Variants in ANXA9 observed in about 807,000 individuals in gnomAD.
The protein encoded by ANXA9 is annexin A9, also known as annexin 31.
Under a neutral mutation model 51.8 loss-of-function variants are expected in ANXA9, and 47 were observed. The observed-to-expected ratio is 0.91, with a 90% CI of 0.72 to 1.16. The LOEUF (loss-of-function observed/expected upper bound fraction) is 1.16. ANXA9 is among the 50% of genes most tolerant of loss of function. The pLI, the probability that ANXA9 is intolerant of heterozygous loss-of-function variation, is 0.00. For synonymous variants in ANXA9, 154 were observed against 168.7 expected (o/e 0.91, Z 0.68); for missense variants, 361 against 424.7 (o/e 0.85, Z 1.32).
rs370841996 is a variant in ANXA9 at position 150,984,710 on chromosome 1, G to A, written c.472+34G>A. The A allele has an allele frequency of 2.3e-5, 36 of 1,584,162 alleles. No homozygotes were observed. The African/African-American group carries it at 4.7e-4, about 21-fold the overall frequency. ...ATAGAGGGAGGGGTCCCAGATGCTG[G>A]AGAAGGGGCTGTAGGACAGGCCACT... On this transcript the variant is annotated intron_variant, in intron 7 of 13. Transcript: ENST00000368947.
chr1:150,994,096 C>T (rs1459881618), intron 12 of ANXA9, among the ~76,000 whole-genome samples: 1 of 152,170 alleles, frequency 6.6e-6, no homozygotes, highest in Non-Finnish European at 1.5e-5. Flanking sequence ...GGAATCAGAA[C>T]TAGAAGTCAC....
intron 12 of ANXA9, among the ~76,000 whole-genome samples, chr1:150,990,041 G>T (rs978006978): frequency 3.3e-5 from 5 of 152,064 alleles, no homozygotes; most frequent in Non-Finnish European, 7.4e-5. Context: ...AAGCATGGTG[G>T]CTCACACCTG....
At chr1:150,983,487 A>G in intron 4 of ANXA9, 53 bp downstream of exon 4, 1 of 1,495,198 alleles carries the variant, frequency 6.7e-7, no homozygotes, top group Non-Finnish European at 9.1e-7. Flanking sequence ...CAATCTGTAG[A>G]CCAAGGAGGA....
intron 12 of ANXA9, among the ~76,000 whole-genome samples, chr1:150,991,263 G>A (rs587658809): frequency 6.7e-6 from 1 of 149,896 alleles, no homozygotes; most frequent in African/African-American, 2.5e-5. Context: ...TTTAGATCGA[G>A]TCTCACTCTG....
At chr1:150,984,755 A>T (rs1308181821) in intron 7 of ANXA9, 79 bp downstream of exon 7, 1 of 1,271,104 alleles carries the variant, frequency 7.9e-7, no homozygotes, top group Non-Finnish European at 1.1e-6. Flanking sequence ...TACTCCCCAT[A>T]GGTGAGCTAT....
rs137979679 is a variant in ANXA9 at position 150,986,397 on chromosome 1, G to A, written c.534G>A (p.Leu178=). Residue 178 remains leucine (L), a synonymous_variant, in exon 8 of 14, where the codon CTG becomes CTA. Coordinates refer to ENST00000368947, the MANE Select transcript of ANXA9 (RefSeq NM_003568.3). The stretch of plus-strand genomic sequence containing the variant: ...AGACCAGTGGCATCTTGCAGGACCT[G>A]CTGTTGGCCCTGGCCAAGGTGAGGA... ...TSETSGILQD[L]LLALAKGGRD... 48 of 1,614,140 alleles carry A rather than the reference G, an allele frequency of 3.0e-5. No homozygotes were observed. The African/African-American group carries it at 5.3e-4, about 18-fold the overall frequency.
At chr1:150,980,391 G>A (rs186207380), upstream of ANXA9, among the ~76,000 whole-genome samples, 3 of 149,722 alleles carry the variant, frequency 2.0e-5, no homozygotes, top group Non-Finnish European at 4.4e-5. Context: ...GAGAGACTCC[G>A]CCTCAAAAAA....
intron 7 of ANXA9, 122 bp downstream of exon 7, chr1:150,984,798 T>C (rs12128197): frequency 1.3e-6 from 1 of 748,012 alleles, no homozygotes; most frequent in Non-Finnish European, 2.1e-6. Context: ...TCTATTCCCT[T>C]GGGGTCTTTC....
intron 13 of ANXA9, among the ~76,000 whole-genome samples, chr1:150,995,056 C>A (rs587759445): frequency 6.6e-6 from 1 of 152,250 alleles, no homozygotes; most frequent in African/African-American, 2.4e-5. Context: ...CGTGCCACTG[C>A]ACTCCCACCT....
intron 10 of ANXA9, 44 bp downstream of exon 10, chr1:150,988,000 A>C (rs587695678): frequency 1.2e-6 from 2 of 1,613,728 alleles, no homozygotes; most frequent in Non-Finnish European, 1.7e-6. Context: ...TCTAATGATC[A>C]GTTTGGGCTG....
In ANXA9 at chr1:150,984,130, G is replaced by A. The variant is rs1571687417; in HGVS notation, c.267+61G>A. 81 of 1,569,956 alleles carry A rather than the reference G, an allele frequency of 5.2e-5. No individual in the cohort carries two copies. In the East Asian group the frequency reaches 1.2e-3, roughly 23 times the overall value. On this transcript the variant is annotated intron_variant, in intron 5 of 13. Coordinates refer to ENST00000368947, the MANE Select transcript of ANXA9 (RefSeq NM_003568.3). The stretch of plus-strand genomic sequence containing the variant: ...GGGTGAGAAACCCCCTGGAGGACTC[G>A]AGAGACAGCAACAGCCGCTGAGGCC...
chr1:150,980,705 G>C (rs587632174), upstream of ANXA9, among the ~76,000 whole-genome samples: 3 of 146,268 alleles, frequency 2.1e-5, no homozygotes, highest in Non-Finnish European at 4.5e-5. Context: ...TCAGCCTCCC[G>C]AGTAGCTGGG....
rs1671786299 is a variant in ANXA9 at position 150,994,590 on chromosome 1, A to G, written c.866A>G (p.Asn289Ser). Residue 289 changes from asparagine (N) to serine (S), a missense_variant, in exon 13 of 14, where the codon AAT (asparagine) becomes AGT (serine). Coordinates refer to ENST00000368947, the MANE Select transcript of ANXA9 (RefSeq NM_003568.3). ...LHQALQETEP[N>S]YQVLIRILIS... The stretch of plus-strand genomic sequence containing the variant: ...TTCCCCTACTAGGAAACTGAGCCCA[A>G]TTACCAAGTCCTGATTCGCATCCTT... 11 of 1,613,802 alleles carry G rather than the reference A, an allele frequency of 6.8e-6. No individual in the cohort carries two copies. The highest frequency in any genetic ancestry group is 1.1e-5 in the South Asian group (1 of 91,060).
chr1:150,983,969 G>A lies in ANXA9; in HGVS notation c.173-6G>A. The stretch of plus-strand genomic sequence containing the variant: ...TGCTCACAGCACAGCCCTCATCTCG[G>A]TTCAGGCGTGGACCGCAGTGCCATT... On this transcript the variant is annotated splice_polypyrimidine_tract_variant and splice_region_variant and intron_variant, in intron 4 of 13. Coordinates refer to ENST00000368947, the MANE Select transcript of ANXA9 (RefSeq NM_003568.3). 6.2e-7 allele frequency: 1 copy of A among 1,611,504 alleles called. No individual in the cohort carries two copies. Among genetic ancestry groups the A allele is most frequent in the Admixed American group, 1.7e-5 (1 of 59,524 alleles).
intron 4 of ANXA9, among the ~76,000 whole-genome samples, 179 bp from the exon 5 acceptor site, chr1:150,983,796 G>A (rs1034337407): frequency 6.6e-6 from 1 of 152,030 alleles, no homozygotes; most frequent in African/African-American, 2.4e-5. Context: ...GGTCAGATTT[G>A]CATGCTGTTT....
At chr1:150,979,642 AG>A (rs1323870767), upstream of ANXA9, among the ~76,000 whole-genome samples, 1 of 152,140 alleles carries the variant, frequency 6.6e-6, no homozygotes, top group East Asian at 1.9e-4. Context: ...AGGGGCCACT[AG>A]GGGGCTCGAG....
upstream of ANXA9, among the ~76,000 whole-genome samples, chr1:150,979,639 A>T (rs901351522): frequency 6.6e-6 from 1 of 152,166 alleles, no homozygotes; most frequent in Non-Finnish European, 1.5e-5. Context: ...TCAAGGGGCC[A>T]CTAGGGGGCT....
At chr1:150,994,744 C>T in intron 13 of ANXA9, 45 bp downstream of exon 13, 3 of 1,608,230 alleles carry the variant, frequency 1.9e-6, no homozygotes, top group Non-Finnish European at 2.6e-6. Context: ...GGCCTTCACT[C>T]CTCACCTCCA....
chr1:150,987,360 GCTCTCT>G (rs747093235), intron 9 of ANXA9, among the ~76,000 whole-genome samples: 4 of 126,566 alleles, frequency 3.2e-5, no homozygotes, highest in African/African-American at 8.8e-5. Context: ...CATCTCTCTC[GCTCTCT>G]CTCTCTCTCT....
Sources: allele counts gnomAD v4.1 joint callset (sites outside exome capture counted in the v4.1 genomes callset), GRCh38; gene constraint gnomAD v4.1.1; transcripts MANE v1.5; gene names NCBI Gene and HGNC (gene_info 2026-07-23, HGNC 2026-07-21).